ARHGEF1: variants seen among roughly 807,000 people sequenced by gnomAD.
ARHGEF1 encodes the protein 115 kDa guanine nucleotide exchange factor.
ARHGEF1 carries 40 observed loss-of-function variants against 119.7 expected under a neutral mutation model. That is an observed-to-expected ratio of 0.33 (90% CI 0.26 to 0.44). ARHGEF1 has a LOEUF of 0.44. Among genes scored for constraint, ARHGEF1 ranks in the 20% least tolerant of loss-of-function variants. The pLI is 1.00. For missense variants in ARHGEF1, 976 were observed against 1,268.3 expected (o/e 0.77, Z 3.50); for synonymous variants, 494 against 521.0 (o/e 0.95, Z 0.71).
intron 1 of ARHGEF1, chr19:41,884,330 C>T: frequency 7.7e-7 from 1 of 1,296,102 alleles, no homozygotes. Flanking sequence ...CGGAGCCCGG[C>T]AGGAGCCGGG....
chr19:41,915,314 C>T (rs1304736312), intron 18 of ARHGEF1, among the ~76,000 whole-genome samples: 5 of 151,660 alleles, frequency 3.3e-5, no homozygotes, highest in Non-Finnish European at 7.4e-5. Context: ...ATCTCGCAGT[C>T]TCTGTGCCCA....
chr19:41,907,992 C>A (rs1198326886), downstream of ARHGEF1: 1 of 399,994 alleles, frequency 2.5e-6, no homozygotes, highest in Admixed American at 4.4e-5. Flanking sequence ...CAGGCGGGGA[C>A]CCCCCTCAAA....
intron 18 of ARHGEF1, among the ~76,000 whole-genome samples, chr19:41,913,099 C>G (rs2074763649): frequency 6.6e-6 from 1 of 152,002 alleles, no homozygotes; most frequent in African/African-American, 2.4e-5. Flanking sequence ...AGGCACCGCT[C>G]TGTCCCCAGC....
chr19:41,926,716 G>A (rs920269227), intron 1 of ARHGEF1, among the ~76,000 whole-genome samples: 3 of 152,276 alleles, frequency 2.0e-5, no homozygotes, highest in Middle Eastern at 6.8e-3. Flanking sequence ...CCGGCCGGGA[G>A]GGGGGAGCGG....
intron 1 of ARHGEF1, chr19:41,884,402 G>C: frequency 1.3e-6 from 2 of 1,593,706 alleles, no homozygotes; most frequent in Non-Finnish European, 1.7e-6. Context: ...CGGCTAGAGC[G>C]ACGCGGCGGC....
intron 8 of ARHGEF1, 72 bp from the exon 9 acceptor site, chr19:41,894,135 A>AGGT (rs1313653141): frequency 1.0e-5 from 5 of 484,532 alleles, no homozygotes; most frequent in Non-Finnish European, 1.7e-5. Flanking sequence ...TGTGTGTGTG[A>AGGT]GTGTGTGTGT....
At chr19:41,891,305 C>T (rs1032200954) in intron 4 of ARHGEF1, among the ~76,000 whole-genome samples, 1 of 152,050 alleles carries the variant, frequency 6.6e-6, no homozygotes, top group African/African-American at 2.4e-5. Flanking sequence ...ATTTATGAAA[C>T]AGTCTCGCTC....
At chr19:41,909,288 GGGA>G (rs2074739283), downstream of ARHGEF1, 1 of 1,233,748 alleles carries the variant, frequency 8.1e-7, no homozygotes, top group Non-Finnish European at 1.0e-6. The surrounding 1 kb of genome is among the most constrained non-coding windows in gnomAD (Gnocchi z 5.2). Flanking sequence ...CAGGGGTGAG[GGGA>G]GGAGCATCTG....
intron 18 of ARHGEF1, among the ~76,000 whole-genome samples, chr19:41,913,411 G>T (rs1429062347): frequency 1.3e-5 from 2 of 151,870 alleles, no homozygotes; most frequent in African/African-American, 4.8e-5. Flanking sequence ...GATTTATCTT[G>T]TTCTATAACT....
rs1555851601 is a variant in ARHGEF1, at chr19:41,914,601, T to TGTCTCC, written c.1865+7803_1865+7804insCGTCTC. Among the ~76,000 whole-genome samples, 41 of 64,530 alleles carry TGTCTCC rather than the reference T, an allele frequency of 6.4e-4. 2 individuals carry two copies. Among genetic ancestry groups the TGTCTCC allele is most frequent in the South Asian group, 1.9e-3 (3 of 1,592 alleles). The allele number at this position is 64,530 out of a possible 152,430, so 42.3% of individuals were successfully genotyped here. On this transcript the variant is annotated intron_variant, in intron 18 of 20. Coordinates refer to the ARHGEF1 transcript ENST00000599589. Reference sequence around the variant, plus strand: ...TCTCTCCCTCCCTTTCCACCATCTCTGTCTCTCCCTCCCCTTCCACCATCT... The same window carrying TGTCTCC: ...TCTCTCCCTCCCTTTCCACCATCTCTGTCTCCGTCTCTCCCTCCCCTTCCACCATCT...
At chr19:41,926,881 G>A (rs2081999) in intron 1 of ARHGEF1, among the ~76,000 whole-genome samples, 104,539 of 152,034 alleles carry the variant, frequency 0.69, 36,360 homozygotes, top group East Asian at 0.82. Flanking sequence ...AACCAGCGAG[G>A]GGGAGACAGA....
At position 41,894,234 on chromosome 19, in the gene ARHGEF1, G is replaced by C; in HGVS notation, c.672G>C (p.Leu224=). The C allele has an allele frequency of 6.4e-7, 1 of 1,557,138 alleles. No homozygotes were observed. Among genetic ancestry groups the C allele is most frequent in the Non-Finnish European group, 8.7e-7 (1 of 1,149,762 alleles). Residue 224 remains leucine (L), a synonymous_variant, in exon 9 of 29, where the codon CTG becomes CTC. Coordinates refer to ENST00000354532, the MANE Select transcript of ARHGEF1 (RefSeq NM_004706.4). ...KSAAVVNAIG[L]YMRHLGVRTK... is the part of the protein sequence containing the mutation. ...CTGCCGTGGTCAACGCCATTGGCCTGTACATGCGCCACCTTGGGGTGCGGA... is the reference window on the plus strand; with the variant it reads ...CTGCCGTGGTCAACGCCATTGGCCTCTACATGCGCCACCTTGGGGTGCGGA...
intron 18 of ARHGEF1, among the ~76,000 whole-genome samples, chr19:41,914,879 T>TCCCCTTCCACCGTCTCTGTCTCTCCCTC (rs2074788244): frequency 5.9e-5 from 2 of 34,106 alleles, no homozygotes; most frequent in African/African-American, 1.5e-4. Flanking sequence ...TGTCTCTCCC[T>TCCCCTTCCACCGTCTCTGTCTCTCCCTC]CCCCTCCATC....
rs1017697858 is a variant in ARHGEF1 at position 41,904,749 on chromosome 19, C to T, written c.2162-200C>T. 2.0e-5 allele frequency among the ~76,000 whole-genome samples: 3 copies of T among 152,076 alleles called. No homozygotes were observed. The highest frequency in any genetic ancestry group is 2.9e-5 in the Non-Finnish European group (2 of 68,016). On this transcript the variant is annotated intron_variant, in intron 22 of 28. Coordinates refer to ENST00000354532, the MANE Select transcript of ARHGEF1 (RefSeq NM_004706.4). This position sits in a 1 kb window ranked among gnomAD's most constrained non-coding sequence, Gnocchi z 8.4. ...CGTTAGGTAAGCCAGGGTACATGCC[C>T]GATTCCATAAGGAGGTGTGAGAGGT...
At chr19:41,890,541 G>A (rs1461964307) in intron 4 of ARHGEF1, 1 of 152,170 alleles carries the variant, frequency 6.6e-6, no homozygotes, top group African/African-American at 2.4e-5. Flanking sequence ...AGCACTTTGG[G>A]AGGCTGAGGC....
downstream of ARHGEF1, chr19:41,909,922 C>T: frequency 4.3e-6 from 7 of 1,613,874 alleles, no homozygotes; most frequent in African/African-American, 1.3e-5. The surrounding 1 kb of genome is among the most constrained non-coding windows in gnomAD (Gnocchi z 5.2). Flanking sequence ...GAATACCCCA[C>T]AGCCGGGCCA....
rs373895256 is a variant in ARHGEF1 at position 41,888,736 on chromosome 19, C to T, written c.112-16C>T. 428 of 1,612,894 alleles carry T rather than the reference C, an allele frequency of 2.7e-4. 9 individuals are homozygous for T. The South Asian group carries it at 4.4e-3, about 17-fold the overall frequency. ...CCTCTTCTCCCCATTGTACTCACCC[C>T]TTCCTGCACCCCCAGAACTCAGAAG... On this transcript the variant is annotated splice_polypyrimidine_tract_variant and intron_variant, in intron 3 of 28. Coordinates refer to ENST00000354532, the MANE Select transcript of ARHGEF1 (RefSeq NM_004706.4). The surrounding 1 kb of genome is among the most constrained non-coding windows in gnomAD (Gnocchi z 5.1).
At chr19:41,884,446 G>T in intron 1 of ARHGEF1, 1 of 1,605,620 alleles carries the variant, frequency 6.2e-7, no homozygotes. Flanking sequence ...CGAGCGCGGA[G>T]GCTTCGGTTC....
chr19:41,914,306 TTCTCCCTTCCGTCTCCCCCCACCA>T lies in ARHGEF1; in HGVS notation c.1865+7514_1865+7537del, dbSNP rs1384335008. Among the ~76,000 whole-genome samples the T allele has an allele frequency of 2.0e-5, 3 of 150,634 alleles. No homozygotes were observed. The East Asian group carries it at 5.9e-4, about 30-fold the overall frequency. ...TCTGTCTCTCCGGTCACTTGGTCTC[TTCTCCCTTCCGTCTCCCCCCACCA>T]TCTCCCTTCCATTTCTGTCTCTCTC... On this transcript the variant is annotated intron_variant, in intron 18 of 20. Coordinates refer to the ARHGEF1 transcript ENST00000599589.
Sources: allele counts gnomAD v4.1 joint callset (sites outside exome capture counted in the v4.1 genomes callset), GRCh38; gene constraint gnomAD v4.1.1; non-coding constraint Gnocchi (gnomAD v3.1); transcripts MANE v1.5; gene names NCBI Gene and HGNC (gene_info 2026-07-23, HGNC 2026-07-21).